The following MROH2B variants were observed in gnomAD, a reference collection of about 807,000 sequenced individuals.
MROH2B encodes the protein maestro heat-like repeat-containing protein family member 2B.
A neutral mutation model predicts 208.6 loss-of-function variants in MROH2B; 177 were observed. That is an observed-to-expected ratio of 0.85 (90% CI 0.75 to 0.96). The LOEUF is 0.96. Ranked by LOEUF, MROH2B falls within the 40% of genes least tolerant of loss-of-function variation. The pLI, the probability that MROH2B is intolerant of heterozygous loss-of-function variation, is 0.00. For missense variants in MROH2B, 2,002 were observed against 1,878.7 expected, an observed-to-expected ratio of 1.07 and a Z score of -1.21; for synonymous variants, 728 against 659.0, an observed-to-expected ratio of 1.10 and a Z score of -1.60.
Position 41,064,512 on chromosome 5 carries a change from C to T in MROH2B, c.420G>A (p.Arg140=). 3 of 1,613,422 alleles carry T rather than the reference C, an allele frequency of 1.9e-6. No homozygotes were observed. The highest frequency in any genetic ancestry group is 2.5e-6 in the Non-Finnish European group (3 of 1,179,572). ...MTLLTMQTML[R]LAEDERMKGT... Reference sequence around the variant, plus strand: ...CCTTCATCCTTTCATCCTCGGCCAGCCTGAGCATGGTTTGCATGGTGAGCA... The same window carrying T: ...CCTTCATCCTTTCATCCTCGGCCAGTCTGAGCATGGTTTGCATGGTGAGCA... The change falls in exon 5 of 42, where the codon AGG becomes AGA. Residue 140 remains arginine, a synonymous_variant. Transcript: ENST00000399564.
rs1452608301 is a variant in MROH2B, at chr5:41,000,343, A to G, written c.4359T>C (p.Arg1453=). Residue 1453 remains arginine, a synonymous_variant, in exon 39 of 42, where the codon CGT becomes CGC. Coordinates refer to ENST00000399564, the MANE Select transcript of MROH2B (RefSeq NM_173489.5). The part of the protein sequence containing the change: ...DPNPKIGVAC[R]DVLMVCIPFL... ...AGGGAATGCAGACCATCAAGACATCACGGCAAGCCTGGAAAACAGAGTTTT... is the reference window on the plus strand; with the variant it reads ...AGGGAATGCAGACCATCAAGACATCGCGGCAAGCCTGGAAAACAGAGTTTT... 6.2e-7 allele frequency: 1 copy of G among 1,613,410 alleles called. No homozygotes were observed.
In MROH2B at chr5:41,056,774, C is replaced by CAA. The variant is rs34263761; in HGVS notation, c.919+333_919+334dup. On this transcript the variant is annotated intron_variant, in intron 9 of 41. Transcript: ENST00000399564. ...CACAGACTCAAATAATCTCAAATAC[C>CAA]AAAAAAAAAAAAAAAAAAGAAATTT... 3.8e-3 allele frequency among the ~76,000 whole-genome samples: 440 copies of CAA among 114,652 alleles called. 3 individuals carry two copies. The highest frequency in any genetic ancestry group is 0.018 in the Middle Eastern group (4 of 218). The allele number at this position is 114,652 out of a possible 152,430, so 75.2% of individuals were successfully genotyped here.
intron 19 of MROH2B, among the ~76,000 whole-genome samples, chr5:41,041,808 A>T (rs955446694): frequency 2.0e-5 from 3 of 152,140 alleles, no homozygotes; most frequent in Admixed American, 1.3e-4. Flanking sequence ...AAATTCAATC[A>T]TTTTGATGCT....
At chr5:41,046,528 A>G (rs1743125580) in intron 17 of MROH2B, among the ~76,000 whole-genome samples, 1 of 152,148 alleles carries the variant, frequency 6.6e-6, no homozygotes, top group African/African-American at 2.4e-5. Flanking sequence ...AAAGGACACA[A>G]TGCCAAACAA....
chr5:41,010,060 G>T lies in MROH2B; in HGVS notation c.3155C>A (p.Thr1052Lys), dbSNP rs993601040. The change falls in exon 31 of 42, where the codon ACA (threonine) becomes AAA (lysine). Residue 1052 changes from threonine to lysine, a missense_variant. Physicochemically the swap from Thr to Lys is moderately conservative, Grantham distance 78. Coordinates refer to ENST00000399564, the MANE Select transcript of MROH2B (RefSeq NM_173489.5). ...GAGGACTGGCATGTGATGGTAGATT[G>T]TGCCTAAGATCTCCAATAGCTAAAG... is the stretch of plus-strand genomic sequence containing the variant. Reference protein sequence around the residue: ...LEDQLLEILGTIYHHMPVLRQ... With the variant: ...LEDQLLEILGKIYHHMPVLRQ... The T allele has an allele frequency of 1.9e-6, 3 of 1,613,268 alleles. No individual in the cohort carries two copies. Among genetic ancestry groups the T allele is most frequent in the Middle Eastern group, 1.6e-4 (1 of 6,074 alleles).
intron 28 of MROH2B, 132 bp from the exon 29 acceptor site, chr5:41,015,610 A>G (rs1741921102): frequency 1.4e-6 from 1 of 702,276 alleles, no homozygotes; most frequent in Admixed American, 2.8e-5. Context: ...GCTAACACAT[A>G]CTGAGTGGTT....
At chr5:41,056,973 C>T in intron 9 of MROH2B, 136 bp downstream of exon 9, 3 of 909,482 alleles carry the variant, frequency 3.3e-6, no homozygotes, top group South Asian at 1.6e-5. Context: ...GCACAGAAAA[C>T]TGTGAGCTAA....
rs143424833 is a variant in MROH2B at position 40,998,106 on chromosome 5, C to T, written c.4704G>A (p.Glu1568=). 2.1e-3 allele frequency: 3,379 copies of T among 1,612,420 alleles called. 132 individuals are homozygous for T. In the Admixed American group the frequency reaches 0.048, roughly 23 times the overall value. The change falls in exon 42 of 42, where the codon GAG becomes GAA. Residue 1568 remains glutamate, a synonymous_variant. Coordinates refer to ENST00000399564, the MANE Select transcript of MROH2B (RefSeq NM_173489.5). ...DPCISVQRAA[E]AALQTLLRRC... ...TTCTCAGGAGGGTTTGCAAAGCAGC[C>T]TCAGCTGCTCTCTGGACACTAATAC... is the stretch of plus-strand genomic sequence containing the variant.
chr5:40,999,633 A>G, intron 40 of MROH2B, 44 bp downstream of exon 40: 1 of 1,536,318 alleles, frequency 6.5e-7, no homozygotes, highest in South Asian at 1.2e-5. Context: ...AACTAGGTGG[A>G]AAAAGCAGAC....
At chr5:41,051,347 C>T (rs1743278241) in intron 12 of MROH2B, among the ~76,000 whole-genome samples, 1 of 151,886 alleles carries the variant, frequency 6.6e-6, no homozygotes, top group Non-Finnish European at 1.5e-5. Flanking sequence ...GCAGATATCC[C>T]CTCTCTTTCT....
chr5:41,069,404 CAT>C (rs929017167), intron 2 of MROH2B, among the ~76,000 whole-genome samples: 1 of 152,146 alleles, frequency 6.6e-6, no homozygotes, highest in Non-Finnish European at 1.5e-5. Flanking sequence ...GTCTCATCCA[CAT>C]GTTTGTAAGT....
chr5:41,052,604 G>A lies in MROH2B; in HGVS notation c.1108-17C>T. The stretch of plus-strand genomic sequence containing the variant: ...ATTTCTTACCTAGGGTAAGAACAAT[G>A]CAATAGCAACATTTTACTATGTTTT... On this transcript the variant is annotated splice_polypyrimidine_tract_variant and intron_variant, in intron 11 of 41. Coordinates refer to ENST00000399564, the MANE Select transcript of MROH2B (RefSeq NM_173489.5). The A allele has an allele frequency of 6.3e-7, 1 of 1,589,794 alleles. No individual in the cohort carries two copies. Among genetic ancestry groups the A allele is most frequent in the Non-Finnish European group, 8.6e-7 (1 of 1,166,404 alleles).
chr5:41,016,306 C>T (rs1741946537), intron 28 of MROH2B, among the ~76,000 whole-genome samples: 1 of 152,000 alleles, frequency 6.6e-6, no homozygotes, highest in South Asian at 2.1e-4. Flanking sequence ...CTTGTTTCTT[C>T]CATCGGCGAA....
intron 34 of MROH2B, among the ~76,000 whole-genome samples, chr5:41,006,040 A>AAAAAAAAG (rs1480793006): frequency 9.9e-5 from 15 of 151,586 alleles, no homozygotes; most frequent in East Asian, 5.8e-4. Flanking sequence ...TCCAAAAAAA[A>AAAAAAAAG]AAAAAAGAAA....
At chr5:41,054,635 A>C in intron 11 of MROH2B, 132 bp downstream of exon 11, 1 of 562,342 alleles carries the variant, frequency 1.8e-6, no homozygotes, top group Non-Finnish European at 2.9e-6. Flanking sequence ...GAAAAGATGG[A>C]GTTCTTTTAA....
Position 41,000,358 on chromosome 5 carries a change from A to T in MROH2B, c.4351-7T>A. 6.2e-7 allele frequency: 1 copy of T among 1,613,074 alleles called. No homozygotes were observed. The highest frequency in any genetic ancestry group is 8.5e-7 in the Non-Finnish European group (1 of 1,179,578). On this transcript the variant is annotated splice_polypyrimidine_tract_variant and splice_region_variant and intron_variant, in intron 38 of 41. Coordinates refer to ENST00000399564, the MANE Select transcript of MROH2B (RefSeq NM_173489.5). ...TCAAGACATCACGGCAAGCCTGGAA[A>T]ACAGAGTTTTCTGCATCACAGTCCA...
At position 41,005,269 on chromosome 5, in the gene MROH2B, T is replaced by C. The variant is rs1741540314; in HGVS notation, c.3864+262A>G. The C allele has an allele frequency of 3.7e-5, 20 of 536,736 alleles. No homozygotes were observed. The South Asian group carries it at 5.8e-4, about 16-fold the overall frequency. 33.2% of individuals were successfully genotyped at this position (536,736 alleles called of 1,614,324 possible). A position where few individuals can be genotyped will look rare whatever the true frequency, so the allele number is the denominator to read the frequency against. The stretch of plus-strand genomic sequence containing the variant: ...GAAGCGTCAGTGCTACAATGCTTTG[T>C]TTGATCCCTCACAGATTTATTGTCC... On this transcript the variant is annotated intron_variant, in intron 35 of 41. Transcript: ENST00000399564.
At chr5:41,000,608 G>C in intron 38 of MROH2B, 70 bp downstream of exon 38, 3 of 1,511,858 alleles carry the variant, frequency 2.0e-6, no homozygotes, top group Non-Finnish European at 2.7e-6. Context: ...GGTGCAGCTA[G>C]ACCAGGCTTA....
chr5:41,061,030 A>C (rs1743621603), intron 6 of MROH2B, among the ~76,000 whole-genome samples: 1 of 152,256 alleles, frequency 6.6e-6, no homozygotes, highest in South Asian at 2.1e-4. Flanking sequence ...AGCAAGATAC[A>C]TGTGAATGCA....
Sources: gnomAD v4.1 joint callset for allele counts (sites outside exome capture counted in the v4.1 genomes callset) on GRCh38, gnomAD v4.1.1 for gene constraint, MANE v1.5 for transcripts, NCBI Gene and HGNC (gene_info 2026-07-23, HGNC 2026-07-21) for gene names.